Variants in ALMS1 observed in about 807,000 individuals in gnomAD.
ALMS1 encodes the protein ALMS1 centrosome and basal body associated protein.
Under a neutral mutation model 352.2 loss-of-function variants are expected in ALMS1, and 271 were observed. That is an observed-to-expected ratio of 0.77 (90% CI 0.70 to 0.85). The LOEUF is 0.85. Among genes scored for constraint, ALMS1 ranks in the 40% least tolerant of loss-of-function variants. ALMS1 has a pLI of 0.00. For synonymous variants in ALMS1, 1,865 were observed against 1,761.2 expected (o/e 1.06, Z -1.48); for missense variants, 5,445 against 4,870.7 (o/e 1.12, Z -3.51).
chr2:73,459,419 T>C (rs1672140751), intron 9 of ALMS1: 1 of 152,208 alleles, frequency 6.6e-6, no homozygotes, highest in South Asian at 2.1e-4. Context: ...GTTTAGGATC[T>C]AGTGTTTATA....
At chr2:73,554,775 T>C (rs190063102) in intron 13 of ALMS1, among the ~76,000 whole-genome samples, 14 of 152,276 alleles carry the variant, frequency 9.2e-5, no homozygotes, top group African/African-American at 3.1e-4. Flanking sequence ...CCAGATTTTA[T>C]TTCCTAACCT....
intron 6 of ALMS1, among the ~76,000 whole-genome samples, chr2:73,427,340 T>A (rs1345901719): frequency 6.6e-6 from 1 of 152,214 alleles, no homozygotes; most frequent in Non-Finnish European, 1.5e-5. Flanking sequence ...AACTGGCCAG[T>A]GTCTCTTCAA....
chr2:73,497,227 T>C (rs1673128626), intron 10 of ALMS1, among the ~76,000 whole-genome samples: 1 of 152,166 alleles, frequency 6.6e-6, no homozygotes, highest in Non-Finnish European at 1.5e-5. Context: ...GTTATTTTTC[T>C]CTGATTATTT....
chr2:73,472,838 C>T (rs1672495314), intron 9 of ALMS1, among the ~76,000 whole-genome samples: 1 of 152,038 alleles, frequency 6.6e-6, no homozygotes, highest in African/African-American at 2.4e-5. Context: ...TATAGAGCTT[C>T]CTTTTGTTTT....
rs114687298 is a variant in ALMS1, at chr2:73,534,903, A to C, written c.9861A>C (p.Pro3287=). ...TTCCACAATTAAGACAAATTCCTCCATCTCCGGATTCCAAATCAGATACCA... is the reference window on the plus strand; with the variant it reads ...TTCCACAATTAAGACAAATTCCTCCCTCTCCGGATTCCAAATCAGATACCA... The part of the protein sequence containing the change: ...YYVPQLRQIP[P]SPDSKSDTTV... Residue 3287 remains proline (P), a synonymous_variant, in exon 12 of 23, where the codon CCA becomes CCC. Transcript: ENST00000613296. The C allele has an allele frequency of 6.2e-7, 1 of 1,613,778 alleles. No homozygotes were observed. The highest frequency in any genetic ancestry group is 1.7e-5 in the Admixed American group (1 of 60,024).
At chr2:73,498,371 TG>T (rs1437336495) in intron 10 of ALMS1, among the ~76,000 whole-genome samples, 3 of 152,166 alleles carry the variant, frequency 2.0e-5, no homozygotes, top group African/African-American at 7.2e-5. Flanking sequence ...TTGTGAAGAA[TG>T]GGGTACATCC....
chr2:73,545,130 A>G (rs1674285190), intron 12 of ALMS1, among the ~76,000 whole-genome samples: 1 of 151,824 alleles, frequency 6.6e-6, no homozygotes, highest in African/African-American at 2.4e-5. Flanking sequence ...AACAGTGTGA[A>G]TATACTTAAT....
At position 73,444,287 on chromosome 2, in the gene ALMS1, CA is replaced by C. The variant is rs1328850837; in HGVS notation, c.1433-3672del. On this transcript the variant is annotated intron_variant, in intron 7 of 22. Transcript: ENST00000613296. The stretch of plus-strand genomic sequence containing the variant: ...GAGGGAATTTCTTTGAGTAGGGGTG[CA>C]CCTATCAGGGTGGTTTGATGACTGG... Among the ~76,000 whole-genome samples, 13 of 152,246 alleles carry C rather than the reference CA, an allele frequency of 8.5e-5. 1 individual carries two copies. The highest frequency in any genetic ancestry group is 3.1e-4 in the African/African-American group (13 of 41,564).
chr2:73,465,171 C>A (rs1329738688), intron 9 of ALMS1, among the ~76,000 whole-genome samples: 2 of 151,916 alleles, frequency 1.3e-5, no homozygotes, highest in Non-Finnish European at 1.5e-5. Flanking sequence ...AAAGAGCCTG[C>A]ATCGCCAAGT....
chr2:73,455,213 A>G lies in ALMS1; in HGVS notation c.7592A>G (p.Glu2531Gly). 1 of 1,613,922 alleles carries G rather than the reference A, an allele frequency of 6.2e-7. No individual in the cohort carries two copies. The highest frequency in any genetic ancestry group is 8.5e-7 in the Non-Finnish European group (1 of 1,179,792). Residue 2531 changes from glutamate to glycine, a missense_variant, in exon 9 of 23, where the codon GAA becomes GGA. Transcript: ENST00000613296. ...LAHDCGYSISELNEDDRRKVE... is the reference protein window; with the variant it reads ...LAHDCGYSISGLNEDDRRKVE... ...CATGATTGTGGATACTCCATTTCAGAATTAAATGAAGATGACAGGAGGAAA... is the reference window on the plus strand; with the variant it reads ...CATGATTGTGGATACTCCATTTCAGGATTAAATGAAGATGACAGGAGGAAA...
chr2:73,566,019 G>T (rs191940091), intron 15 of ALMS1, among the ~76,000 whole-genome samples: 1 of 152,242 alleles, frequency 6.6e-6, no homozygotes, highest in East Asian at 1.9e-4. Context: ...TAATAATAAT[G>T]TAACTTTATT....
chr2:73,554,530 C>G (rs866613167), intron 13 of ALMS1, among the ~76,000 whole-genome samples: 33 of 151,574 alleles, frequency 2.2e-4, no homozygotes, highest in Non-Finnish European at 3.5e-4. Flanking sequence ...ACGGTGAAAC[C>G]CCGTCTCTAC....
At chr2:73,494,857 C>T (rs1325166213) in intron 10 of ALMS1, among the ~76,000 whole-genome samples, 1 of 152,212 alleles carries the variant, frequency 6.6e-6, no homozygotes, top group African/African-American at 2.4e-5. Context: ...TTAGACTATA[C>T]AAATAACCTG....
At position 73,449,013 on chromosome 2, in the gene ALMS1, A is replaced by AAGAGTAG. The variant is rs1671870091; in HGVS notation, c.2486_2487insAGAGTAG (p.His829GlnfsTer3). On this transcript the variant is annotated stop_gained and frameshift_variant, in exon 8 of 23. Transcript: ENST00000613296. LOFTEE classifies it high-confidence loss of function. The stretch of plus-strand genomic sequence containing the variant: ...TACCAACAGGCCTTGCTGGACAGCC[A>AAGAGTAG]TCTACCCGAAGAGGCTCTGAAAGTT... 1.9e-6 allele frequency: 3 copies of AAGAGTAG among 1,613,826 alleles called. No homozygotes were observed. In the South Asian group the frequency reaches 3.3e-5, roughly 18 times the overall value.
intron 5 of ALMS1, among the ~76,000 whole-genome samples, chr2:73,426,185 A>T (rs1671373817): frequency 6.6e-6 from 1 of 152,194 alleles, no homozygotes; most frequent in African/African-American, 2.4e-5. Flanking sequence ...GATTACTCAA[A>T]CTTTAATTTG....
rs766366221 is a variant in ALMS1, at chr2:73,559,143, G to A, written c.10384+1G>A. 1.9e-6 allele frequency: 3 copies of A among 1,612,880 alleles called. No homozygotes were observed. Among genetic ancestry groups the A allele is most frequent in the Non-Finnish European group, 2.5e-6 (3 of 1,179,372 alleles). ...GAATCCCTACAGATCAATATTGAAG[G>A]TAATGGGATTGGGTTGTGTATGAGT... On this transcript the variant is annotated splice_donor_variant, in intron 15 of 22. Coordinates refer to ENST00000613296, the MANE Select transcript of ALMS1 (RefSeq NM_001378454.1). LOFTEE classifies it high-confidence loss of function.
At chr2:73,440,545 T>C (rs1238253477) in intron 7 of ALMS1, among the ~76,000 whole-genome samples, 1 of 151,934 alleles carries the variant, frequency 6.6e-6, no homozygotes, top group Non-Finnish European at 1.5e-5. Context: ...TGTCTCAGCC[T>C]CCTGAGTAGC....
chr2:73,464,469 A>G (rs954354143), intron 9 of ALMS1, among the ~76,000 whole-genome samples: 1 of 152,232 alleles, frequency 6.6e-6, no homozygotes, highest in Non-Finnish European at 1.5e-5. Context: ...GCTATCTATG[A>G]CAAACCCACA....
Position 73,502,684 on chromosome 2 carries a change from T to C in ALMS1, c.9539+11186T>C, listed in dbSNP as rs190923404. Among the ~76,000 whole-genome samples the C allele has an allele frequency of 5.9e-4, 90 of 152,286 alleles. 1 individual carries two copies. In the South Asian group the frequency reaches 0.014, roughly 23 times the overall value. ...TGTTTTCTCCTTTTTTCTACTGATG[T>C]AGTGAATTACATTGGTCCAGTTGAT... On this transcript the variant is annotated intron_variant, in intron 10 of 22. Transcript: ENST00000613296.
Sources: gnomAD v4.1 joint callset for allele counts (sites outside exome capture counted in the v4.1 genomes callset) on GRCh38, gnomAD v4.1.1 for gene constraint, MANE v1.5 for transcripts, NCBI Gene and HGNC (gene_info 2026-07-23, HGNC 2026-07-21) for gene names.